FRMPD3: variants seen among roughly 807,000 people sequenced by gnomAD.
FRMPD3 encodes FERM and PDZ domain-containing protein 3.
In FRMPD3, 42 loss-of-function variants were observed where a neutral mutation model predicts 97.9. That is an observed-to-expected ratio of 0.43 (90% CI 0.34 to 0.55). The LOEUF (loss-of-function observed/expected upper bound fraction) is 0.55. FRMPD3 is among the 20% of genes least tolerant of loss of function. The probability of loss-of-function intolerance (pLI) is 0.03; values close to 1 mark genes in which losing one functional copy is unlikely to be tolerated. For missense variants in FRMPD3, 1,303 were observed against 1,457.7 expected (o/e 0.89, Z 1.73); for synonymous variants, 577 against 581.1 (o/e 0.99, Z 0.10).
chrX:107,565,199 C>A, intron 12 of FRMPD3, 133 bp downstream of exon 12: 1 of 601,520 alleles, frequency 1.7e-6, no homozygotes, highest in Non-Finnish European at 2.5e-6. Context: ...AACCCTGGGA[C>A]TCTTTGGGCT....
At chrX:107,576,566 G>C in intron 13 of FRMPD3, 107 bp downstream of exon 13, 2 of 899,777 alleles carry the variant, frequency 2.2e-6, no homozygotes, top group Admixed American at 5.4e-5. Context: ...TGCCAACAGT[G>C]CCTGATTTGC....
intron 1 of FRMPD3, among the ~76,000 whole-genome samples, chrX:107,494,642 G>A (rs1433573877): frequency 9.0e-6 from 1 of 111,572 alleles, no homozygotes; most frequent in Non-Finnish European, 1.9e-5. Flanking sequence ...TTAAGTGCTG[G>A]GTACTGGGCT....
At chrX:107,516,711 G>T (rs536892078) in intron 1 of FRMPD3, among the ~76,000 whole-genome samples, 1 of 109,723 alleles carries the variant, frequency 9.1e-6, no homozygotes, top group Non-Finnish European at 1.9e-5. Context: ...TCGCCCACTT[G>T]TTGATGGGGT....
rs749892155 is a variant in FRMPD3, at chrX:107,602,217, G to A, written c.4178G>A (p.Arg1393His). 8.3e-6 allele frequency: 10 copies of A among 1,208,536 alleles called. No homozygotes were observed. Among genetic ancestry groups the A allele is most frequent in the East Asian group, 5.9e-5 (2 of 33,754 alleles). ...GCTCCCAATTACAGGAAACTGATGC[G>A]CCGCTACAGTATCAGTGAGCTGGAC... is the stretch of plus-strand genomic sequence containing the variant. ...LGAPNYRKLM[R>H]RYSISELDQG... is the part of the protein sequence containing the mutation. Residue 1393 changes from arginine to histidine, a missense_variant, in exon 15 of 15, where the codon CGC (arginine) becomes CAC (histidine). Arg to His is a conservative substitution (Grantham distance 29). Around this residue, in one of 3 missense-constraint regions of FRMPD3, gnomAD observed 764 missense variants for 820.2 expected, o/e 0.93. Transcript: ENST00000683843.
chrX:107,585,285 T>C (rs953432337), intron 13 of FRMPD3, among the ~76,000 whole-genome samples: 7 of 111,601 alleles, frequency 6.3e-5, no homozygotes, highest in African/African-American at 2.0e-4. Flanking sequence ...TTTTTGCACA[T>C]TGATTTTGTA....
At chrX:107,521,176 C>T (rs1025130536) in intron 1 of FRMPD3, among the ~76,000 whole-genome samples, 3 of 112,403 alleles carry the variant, frequency 2.7e-5, no homozygotes, top group Non-Finnish European at 5.6e-5. Flanking sequence ...CTGATTCAAC[C>T]AGCAAGTCCT....
rs183211610 is a variant in FRMPD3, at chrX:107,498,499, A to G, written c.-7-28083A>G. Among the ~76,000 whole-genome samples, 380 of 112,054 alleles carry G rather than the reference A, an allele frequency of 3.4e-3. 4 individuals are homozygous for G. The highest frequency in any genetic ancestry group is 0.012 in the African/African-American group (359 of 30,838). ...CCTAATTTAGGGGGCAGACTGTGGG[A>G]TGTGACTGAAGGAGCACTGGAACCT... On this transcript the variant is annotated intron_variant, in intron 1 of 14. Coordinates refer to ENST00000683843, the MANE Select transcript of FRMPD3 (RefSeq NM_001388459.1).
At chrX:107,595,242 A>G (rs990175994) in intron 13 of FRMPD3, among the ~76,000 whole-genome samples, 3 of 109,854 alleles carry the variant, frequency 2.7e-5, no homozygotes, top group Non-Finnish European at 5.7e-5. Context: ...ACTTCAGCCC[A>G]GGAGGTGAAG....
At chrX:107,531,432 C>T (rs976450924) in intron 3 of FRMPD3, among the ~76,000 whole-genome samples, 9 of 109,386 alleles carry the variant, frequency 8.2e-5, no homozygotes, top group Admixed American at 3.9e-4. Context: ...TTCAAGTCCT[C>T]CTGGTTCAGA....
At chrX:107,481,140 G>C (rs780956871) in intron 1 of FRMPD3, among the ~76,000 whole-genome samples, 1 of 111,679 alleles carries the variant, frequency 9.0e-6, no homozygotes, top group South Asian at 3.8e-4. Context: ...TCAAAAGGAC[G>C]GACCTGTGAC....
rs1289857873 is a variant in FRMPD3, at chrX:107,477,490, CTA to C, written c.-8+27487_-8+27488del. Among the ~76,000 whole-genome samples the C allele has an allele frequency of 3.5e-5, 4 of 112,820 alleles. No homozygotes were observed. In the East Asian group the frequency reaches 1.1e-3, roughly 31 times the overall value. On this transcript the variant is annotated intron_variant, in intron 1 of 14. Coordinates refer to ENST00000683843, the MANE Select transcript of FRMPD3 (RefSeq NM_001388459.1). ...AGAAGCAAGTCTGGGTAATGATAAA[CTA>C]TGAATTTTATGCATGAGCTGAACAT...
intron 4 of FRMPD3, among the ~76,000 whole-genome samples, chrX:107,534,718 C>G (rs1923141009): frequency 9.0e-6 from 1 of 111,415 alleles, no homozygotes; most frequent in South Asian, 3.8e-4. Context: ...CACACACACA[C>G]AATACACTCA....
At chrX:107,539,365 A>G (rs1391121712) in intron 4 of FRMPD3, among the ~76,000 whole-genome samples, 2 of 112,317 alleles carry the variant, frequency 1.8e-5, no homozygotes, top group Non-Finnish European at 3.8e-5. Flanking sequence ...ACTAGTCCTC[A>G]TGACTGACTG....
intron 1 of FRMPD3, among the ~76,000 whole-genome samples, 188 bp downstream of exon 1, chrX:107,450,193 G>C (rs1161956992): frequency 2.7e-5 from 3 of 111,183 alleles, no homozygotes; most frequent in Non-Finnish European, 5.7e-5. Flanking sequence ...GCGGGGTAAC[G>C]GCCCGTTGCG....
At chrX:107,508,090 G>C (rs1922078102) in intron 1 of FRMPD3, among the ~76,000 whole-genome samples, 1 of 112,072 alleles carries the variant, frequency 8.9e-6, no homozygotes, top group Admixed American at 9.4e-5. Flanking sequence ...AGCACAGAGA[G>C]GTCCACAAGC....
Position 107,564,921 on chromosome X carries a change from G to T in FRMPD3, c.1151G>T (p.Gly384Val). Residue 384 changes from glycine to valine, a missense_variant, in exon 12 of 15, where the codon GGA (glycine) becomes GTA (valine). This residue lies in a region of FRMPD3 where 535 missense variants were observed against 618.6 expected (regional missense o/e 0.86). Coordinates refer to ENST00000683843, the MANE Select transcript of FRMPD3 (RefSeq NM_001388459.1). ...CAGTCGGCCACCACGCTCCTGGTGG[G>T]ACCCCGTCATGGCATCAGCCATGTT... ...EKQSATTLLV[G>V]PRHGISHVID... The T allele has an allele frequency of 8.3e-7, 1 of 1,210,535 alleles. No individual in the cohort carries two copies. The highest frequency in any genetic ancestry group is 1.1e-6 in the Non-Finnish European group (1 of 895,273).
chrX:107,583,672 C>T (rs1052767234), intron 13 of FRMPD3, among the ~76,000 whole-genome samples: 3 of 111,314 alleles, frequency 2.7e-5, no homozygotes, highest in African/African-American at 9.8e-5. Context: ...GTACTGTCTT[C>T]CACAATGTTT....
chrX:107,549,630 G>A (rs1300953981), intron 5 of FRMPD3, among the ~76,000 whole-genome samples: 1 of 111,746 alleles, frequency 8.9e-6, no homozygotes, highest in Non-Finnish European at 1.9e-5. Context: ...GGGCCTCAGG[G>A]AAAGGGAGGT....
At position 107,597,583 on chromosome X, in the gene FRMPD3, C is replaced by G; in HGVS notation, c.1704C>G (p.Ser568Arg). The part of the protein sequence containing the change: ...PRTKSDPTSK[S>R]SGQGYEVVPD... ...CCAAGTCTGACCCCACATCCAAAAG[C>G]TCTGGCCAAGGTTATGAGGTAGTCC... is the stretch of plus-strand genomic sequence containing the variant. Residue 568 changes from serine (S) to arginine (R), a missense_variant, in exon 14 of 15, where the codon AGC (serine) becomes AGG (arginine). Coordinates refer to ENST00000683843, the MANE Select transcript of FRMPD3 (RefSeq NM_001388459.1). 8.3e-7 allele frequency: 1 copy of G among 1,210,934 alleles called. No individual in the cohort carries two copies. The highest frequency in any genetic ancestry group is 2.2e-5 in the Admixed American group (1 of 46,025).
Sources: gnomAD v4.1 joint callset for allele counts (sites outside exome capture counted in the v4.1 genomes callset) on GRCh38, gnomAD v4.1.1 for gene constraint, gnomAD v4.1.1 regional missense constraint, MANE v1.5 for transcripts, NCBI Gene and HGNC (gene_info 2026-07-23, HGNC 2026-07-21) for gene names.